OSBPL1A: variants seen among roughly 807,000 people sequenced by gnomAD.
OSBPL1A encodes the protein oxysterol binding protein like 1A, also known as oxysterol-binding protein-related protein 1.
A neutral mutation model predicts 137.1 loss-of-function variants in OSBPL1A; 80 were observed. That is an observed-to-expected ratio of 0.58 (90% CI 0.49 to 0.70). The LOEUF is 0.70. Ranked by LOEUF, OSBPL1A falls within the 30% of genes least tolerant of loss-of-function variation. OSBPL1A has a pLI of 0.00. For missense variants in OSBPL1A, 970 were observed against 1,129.4 expected, an observed-to-expected ratio of 0.86 and a Z score of 2.02; for synonymous variants, 365 against 389.7, an observed-to-expected ratio of 0.94 and a Z score of 0.75.
intron 15 of OSBPL1A, chr18:24,272,208 C>T: frequency 1.0e-6 from 1 of 983,622 alleles, no homozygotes; most frequent in Non-Finnish European, 1.2e-6. Context: ...TGCGCTCGGC[C>T]CTCTCCTGGA....
intron 17 of OSBPL1A, among the ~76,000 whole-genome samples, chr18:24,220,835 C>A (rs2087866052): frequency 6.6e-6 from 1 of 151,328 alleles, no homozygotes. Context: ...TTTTTTGAGA[C>A]AGAGTCTCGC....
chr18:24,275,796 T>A (rs566305087), intron 15 of OSBPL1A, among the ~76,000 whole-genome samples: 3 of 151,764 alleles, frequency 2.0e-5, no homozygotes, highest in Admixed American at 2.0e-4. Context: ...GGGTGCAATC[T>A]CGCTTACTGC....
chr18:24,321,867 A>G, intron 7 of OSBPL1A: 1 of 361,632 alleles, frequency 2.8e-6, no homozygotes. Context: ...GAGGAGGGTG[A>G]TGGGTACATC....
chr18:24,366,865 A>G, intron 4 of OSBPL1A, 27 bp downstream of exon 4: 1 of 1,600,872 alleles, frequency 6.2e-7, no homozygotes, highest in Non-Finnish European at 8.5e-7. Flanking sequence ...CCTCACTTAC[A>G]AACATTGAAC....
intron 16 of OSBPL1A, among the ~76,000 whole-genome samples, chr18:24,234,494 T>G (rs1189280078): frequency 2.0e-5 from 3 of 152,152 alleles, no homozygotes; most frequent in Non-Finnish European, 2.9e-5. Flanking sequence ...TCACTGAGCT[T>G]ACTGGAAAAA....
chr18:24,393,656 T>C (rs2144292150), intron 1 of OSBPL1A, among the ~76,000 whole-genome samples: 1 of 152,274 alleles, frequency 6.6e-6, no homozygotes, highest in Middle Eastern at 3.4e-3. Context: ...GGTTTCACTG[T>C]GTTAGCCAGG....
At chr18:24,244,958 G>A (rs562057966) in intron 15 of OSBPL1A, among the ~76,000 whole-genome samples, 26 of 152,126 alleles carry the variant, frequency 1.7e-4, no homozygotes, top group Non-Finnish European at 3.1e-4. Context: ...TATAAGATAG[G>A]TACAATTCTG....
intron 15 of OSBPL1A, among the ~76,000 whole-genome samples, chr18:24,267,660 T>C (rs1200556143): frequency 6.6e-6 from 1 of 152,152 alleles, no homozygotes; most frequent in Non-Finnish European, 1.5e-5. Context: ...TTTACCAGCT[T>C]AGCAGATTTA....
chr18:24,212,688 T>C (rs775719146), intron 17 of OSBPL1A, among the ~76,000 whole-genome samples: 2 of 152,220 alleles, frequency 1.3e-5, no homozygotes, highest in Non-Finnish European at 2.9e-5. Context: ...GGTGATAAGA[T>C]GTATTCCACG....
intron 27 of OSBPL1A, among the ~76,000 whole-genome samples, chr18:24,163,540 G>T (rs1166464076): frequency 1.3e-5 from 2 of 152,160 alleles, no homozygotes; most frequent in Non-Finnish European, 2.9e-5. Flanking sequence ...CTTGACAGAA[G>T]CAGGGTCTTC....
At chr18:24,368,080 T>C (rs977557265) in intron 3 of OSBPL1A, 1 of 361,758 alleles carries the variant, frequency 2.8e-6, no homozygotes, top group African/African-American at 2.1e-5. Context: ...AATAAAAAAA[T>C]CTAATGATTA....
chr18:24,285,963 C>G (rs1204108351), intron 14 of OSBPL1A, among the ~76,000 whole-genome samples: 1 of 152,124 alleles, frequency 6.6e-6, no homozygotes, highest in Non-Finnish European at 1.5e-5. Context: ...TCGAGACCAG[C>G]CTGGCTAACA....
At chr18:24,394,311 C>T (rs530719198) in intron 1 of OSBPL1A, among the ~76,000 whole-genome samples, 10 of 152,054 alleles carry the variant, frequency 6.6e-5, no homozygotes, top group Non-Finnish European at 1.3e-4. Flanking sequence ...TACCCATATT[C>T]GGTTGGAAAT....
intron 21 of OSBPL1A, among the ~76,000 whole-genome samples, chr18:24,176,714 T>C (rs1319226779): frequency 6.6e-6 from 1 of 152,210 alleles, no homozygotes; most frequent in East Asian, 1.9e-4. Flanking sequence ...CAGTTTAATT[T>C]TCAAAGCCTC....
intron 15 of OSBPL1A, among the ~76,000 whole-genome samples, chr18:24,277,808 T>C (rs2089877935): frequency 6.6e-6 from 1 of 152,258 alleles, no homozygotes; most frequent in South Asian, 2.1e-4. Flanking sequence ...TATTTTGCAG[T>C]GCCTTCTCAC....
chr18:24,263,823 CA>C (rs1291807189), intron 15 of OSBPL1A, among the ~76,000 whole-genome samples: 4 of 151,940 alleles, frequency 2.6e-5, no homozygotes, highest in Non-Finnish European at 5.9e-5. Flanking sequence ...TTTTTAGTAG[CA>C]AAAAATTTCA....
intron 16 of OSBPL1A, among the ~76,000 whole-genome samples, chr18:24,233,764 T>C (rs2145999778): frequency 6.6e-6 from 1 of 152,290 alleles, no homozygotes; most frequent in Non-Finnish European, 1.5e-5. Flanking sequence ...TTCTCCTGCC[T>C]CAGCCTCCCA....
At chr18:24,190,754 T>C (rs949608133) in intron 18 of OSBPL1A, among the ~76,000 whole-genome samples, 1 of 152,256 alleles carries the variant, frequency 6.6e-6, no homozygotes, top group Non-Finnish European at 1.5e-5. Flanking sequence ...TCCGCATCTA[T>C]CTTAGAGTTG....
At chr18:24,306,494 T>G (rs2090503456) in intron 13 of OSBPL1A, among the ~76,000 whole-genome samples, 1 of 152,132 alleles carries the variant, frequency 6.6e-6, no homozygotes, top group African/African-American at 2.4e-5. Context: ...ATGAATAAAC[T>G]ACTAATACAC....
Sources: allele counts gnomAD v4.1 joint callset (sites outside exome capture counted in the v4.1 genomes callset), GRCh38; gene constraint gnomAD v4.1.1; transcripts MANE v1.5; gene names NCBI Gene and HGNC (gene_info 2026-07-23, HGNC 2026-07-21).